The following ARB2A variants were observed in gnomAD, a reference collection of about 807,000 sequenced individuals.
ARB2A encodes cotranscriptional regulator ARB2A.
At chr5:94,044,843 A>G in the ARB2A span, among the ~76,000 whole-genome samples, 1 of 152,108 alleles carries the variant, frequency 6.6e-6, no homozygotes, top group Admixed American at 6.5e-5. Flanking sequence ...GCACCATGAC[A>G]GTTTACCAAT....
At chr5:93,683,416 C>T in the ARB2A span, 2 of 1,602,156 alleles carry the variant, frequency 1.2e-6, no homozygotes, top group Non-Finnish European at 1.7e-6. Context: ...CACACTTCAA[C>T]CTTAAGACCA....
chr5:93,630,493 C>A, the ARB2A span, among the ~76,000 whole-genome samples: 353 of 152,236 alleles, frequency 2.3e-3, 1 homozygote, highest in African/African-American at 8.2e-3. Flanking sequence ...AAAAGAAAGA[C>A]ACAAAATCAG....
At chr5:94,025,860 A>C in the ARB2A span, among the ~76,000 whole-genome samples, 1 of 152,182 alleles carries the variant, frequency 6.6e-6, no homozygotes, top group African/African-American at 2.4e-5. Context: ...ACACCACAGA[A>C]GATGCTCTGT....
the ARB2A span, chr5:93,736,264 C>G: frequency 6.6e-6 from 1 of 152,086 alleles, no homozygotes; most frequent in Non-Finnish European, 1.5e-5. Context: ...TGATACACCT[C>G]CATTGTCCAC....
the ARB2A span, among the ~76,000 whole-genome samples, chr5:93,673,488 T>C: frequency 6.6e-6 from 1 of 152,142 alleles, no homozygotes; most frequent in African/African-American, 2.4e-5. Flanking sequence ...GAAAGAAAAG[T>C]ACAACAGCTT....
At chr5:93,655,593 G>A in the ARB2A span, among the ~76,000 whole-genome samples, 39 of 152,260 alleles carry the variant, frequency 2.6e-4, no homozygotes, top group African/African-American at 9.4e-4. Flanking sequence ...AGACCAGTTA[G>A]TAATACGCAA....
chr5:93,642,195 CTTT>C, the ARB2A span, among the ~76,000 whole-genome samples: 9 of 137,884 alleles, frequency 6.5e-5, no homozygotes, highest in Admixed American at 2.9e-4. Flanking sequence ...GTTGCCTAGG[CTTT>C]TTTTTTTTTT....
chr5:94,099,859 C>A, the ARB2A span, among the ~76,000 whole-genome samples: 1 of 152,066 alleles, frequency 6.6e-6, no homozygotes, highest in Non-Finnish European at 1.5e-5. Flanking sequence ...AAGCTGGAAG[C>A]ATTCCCCTGA....
chr5:93,665,629 G>C, the ARB2A span, among the ~76,000 whole-genome samples: 1 of 152,198 alleles, frequency 6.6e-6, no homozygotes, highest in African/African-American at 2.4e-5. Context: ...ACAGGGGTCA[G>C]GCACATGGCA....
chr5:93,979,102 G>A, the ARB2A span, among the ~76,000 whole-genome samples: 1 of 152,040 alleles, frequency 6.6e-6, no homozygotes, highest in African/African-American at 2.4e-5. Flanking sequence ...ATATAACAAA[G>A]TATCACAAGT....
the ARB2A span, among the ~76,000 whole-genome samples, chr5:94,084,010 C>T: frequency 2.0e-5 from 3 of 151,976 alleles, no homozygotes; most frequent in Non-Finnish European, 2.9e-5. Flanking sequence ...CAGTGGCTCA[C>T]GCCTGTAATC....
At chr5:93,740,443 T>A in the ARB2A span, 23 of 956,884 alleles carry the variant, frequency 2.4e-5, no homozygotes, top group Middle Eastern at 3.4e-4. Context: ...TTCCCTACTA[T>A]GTATCCTTAA....
chr5:93,782,413 T>G, the ARB2A span, among the ~76,000 whole-genome samples: 2 of 152,170 alleles, frequency 1.3e-5, no homozygotes, highest in Non-Finnish European at 2.9e-5. Context: ...TCTTAGCAAA[T>G]TAGCTGGTAC....
the ARB2A span, among the ~76,000 whole-genome samples, chr5:93,880,747 CT>C: frequency 6.6e-6 from 1 of 151,658 alleles, no homozygotes; most frequent in Non-Finnish European, 1.5e-5. Flanking sequence ...TTTGTGCCCC[CT>C]ACAGAATTAG....
chr5:93,911,653 C>CACACACAT, the ARB2A span, among the ~76,000 whole-genome samples: 1 of 149,410 alleles, frequency 6.7e-6, no homozygotes, highest in Non-Finnish European at 1.5e-5. Flanking sequence ...CACACACACA[C>CACACACAT]ATACACACAA....
the ARB2A span, among the ~76,000 whole-genome samples, chr5:93,990,543 A>G: frequency 6.7e-6 from 1 of 148,506 alleles, no homozygotes; most frequent in Non-Finnish European, 1.5e-5. Flanking sequence ...GTAAAAAGAT[A>G]CTCTTTCACA....
chr5:93,653,171 A>AT, the ARB2A span, among the ~76,000 whole-genome samples: 1 of 151,980 alleles, frequency 6.6e-6, no homozygotes, highest in Non-Finnish European at 1.5e-5. Flanking sequence ...GAGGATTGTT[A>AT]TTTGAATATT....
At chr5:94,018,610 G>GT in the ARB2A span, among the ~76,000 whole-genome samples, 1 of 152,028 alleles carries the variant, frequency 6.6e-6, no homozygotes, top group Non-Finnish European at 1.5e-5. Context: ...TTTTCCATCT[G>GT]TTTGTGTCCT....
At chr5:94,000,865 T>C in the ARB2A span, among the ~76,000 whole-genome samples, 1 of 152,224 alleles carries the variant, frequency 6.6e-6, no homozygotes, top group African/African-American at 2.4e-5. Flanking sequence ...GTTTTTTGCA[T>C]GTGAACATCC....
Sources: gnomAD v4.1 joint callset for allele counts (sites outside exome capture counted in the v4.1 genomes callset) on GRCh38, gnomAD v4.1.1 for gene constraint, MANE v1.5 for transcripts, NCBI Gene and HGNC (gene_info 2026-07-23, HGNC 2026-07-21) for gene names.